Variants in TPGS2 observed in about 807,000 individuals in gnomAD.
The protein encoded by TPGS2 is polyglutamylase subunit 2.
TPGS2 carries 26 observed loss-of-function variants against 31.1 expected under a neutral mutation model. The observed-to-expected ratio is 0.84, with a 90% CI of 0.61 to 1.16. TPGS2 has a LOEUF of 1.16. TPGS2 is among the 50% of genes most tolerant of loss of function. The probability of loss-of-function intolerance (pLI) is 0.00; values close to 1 mark genes in which losing one functional copy is unlikely to be tolerated. For missense variants in TPGS2, 351 were observed against 363.8 expected, an observed-to-expected ratio of 0.96 and a Z score of 0.29; for synonymous variants, 130 against 136.6, an observed-to-expected ratio of 0.95 and a Z score of 0.34.
intron 3 of TPGS2, among the ~76,000 whole-genome samples, chr18:36,806,850 T>TGAAA (rs2045163705): frequency 2.7e-5 from 1 of 37,330 alleles, no homozygotes; most frequent in African/African-American, 1.5e-4. Flanking sequence ...GACTCCATCT[T>TGAAA]AAAAAAAAAA....
intron 3 of TPGS2, among the ~76,000 whole-genome samples, 163 bp from the exon 4 acceptor site, chr18:36,805,665 A>G (rs916847731): frequency 1.2e-4 from 18 of 152,188 alleles, no homozygotes; most frequent in Non-Finnish European, 1.0e-4. Flanking sequence ...TGCATATTCC[A>G]AAGTACCAAC....
intron 1 of TPGS2, among the ~76,000 whole-genome samples, chr18:36,822,063 G>C (rs527321031): frequency 1.3e-5 from 2 of 152,306 alleles, no homozygotes; most frequent in East Asian, 1.9e-4. Context: ...CAGAGGGCTG[G>C]AAGTTGTAGT....
rs1023395438 is a variant in TPGS2, at chr18:36,786,901, C to T, written c.658-3770G>A. ...TGATTGCGACACTGTTGTTCCCATGCTGTTGGATTGGCGCCTGCTGCACAC... is the reference window on the plus strand; with the variant it reads ...TGATTGCGACACTGTTGTTCCCATGTTGTTGGATTGGCGCCTGCTGCACAC... On this transcript the variant is annotated intron_variant, in intron 6 of 6. Coordinates refer to the TPGS2 transcript ENST00000587129. 3.2e-6 allele frequency: 4 copies of T among 1,234,272 alleles called. No homozygotes were observed. In the East Asian group the frequency reaches 9.5e-5, roughly 29 times the overall value. The allele number at this position is 1,234,272 out of a possible 1,614,324, so 76.5% of individuals were successfully genotyped here.
chr18:36,788,056 G>T (rs1007252170), intron 6 of TPGS2, among the ~76,000 whole-genome samples: 2 of 152,130 alleles, frequency 1.3e-5, no homozygotes, highest in Non-Finnish European at 2.9e-5. Context: ...AAACTATATG[G>T]ACTTGTGTTT....
At chr18:36,793,075 A>G (rs2044370175), downstream of TPGS2, among the ~76,000 whole-genome samples, 2 of 152,192 alleles carry the variant, frequency 1.3e-5, no homozygotes, top group East Asian at 3.9e-4. Flanking sequence ...TACCAGGGCC[A>G]GCTTCATGGG....
At chr18:36,802,870 C>A (rs2044898682) in intron 4 of TPGS2, among the ~76,000 whole-genome samples, 1 of 152,098 alleles carries the variant, frequency 6.6e-6, no homozygotes, top group African/African-American at 2.4e-5. Flanking sequence ...TCATGATTCG[C>A]CCCCCTCGGC....
chr18:36,792,366 A>G (rs1473282273), downstream of TPGS2, among the ~76,000 whole-genome samples: 1 of 152,228 alleles, frequency 6.6e-6, no homozygotes, highest in Non-Finnish European at 1.5e-5. Flanking sequence ...TGATGGATAC[A>G]TGGGGATTCA....
chr18:36,803,093 T>C (rs181536286), intron 4 of TPGS2, among the ~76,000 whole-genome samples: 27 of 152,304 alleles, frequency 1.8e-4, no homozygotes, highest in African/African-American at 6.5e-4. Flanking sequence ...TCAGGCTAAT[T>C]AGCATATCTA....
rs1292938845 is a variant in TPGS2, at chr18:36,800,243, T to A, written c.451A>T (p.Asn151Tyr). ...RSVIFELDSC[N>Y]GSGKVCLVYK... Reference sequence around the variant, plus strand: ...ACAAGGCAAACTTTCCCACTGCCATTGCATGAATCCAGCTCAAATATCACA... The same window carrying A: ...ACAAGGCAAACTTTCCCACTGCCATAGCATGAATCCAGCTCAAATATCACA... Residue 151 changes from asparagine (N) to tyrosine (Y), a missense_variant, in exon 5 of 7, where the codon AAT becomes TAT. By Grantham distance (143) the Asn-to-Tyr change is moderately radical. Transcript: ENST00000334295. 6.2e-6 allele frequency: 10 copies of A among 1,614,038 alleles called. No individual in the cohort carries two copies. Among genetic ancestry groups the A allele is most frequent in the Non-Finnish European group, 8.5e-6 (10 of 1,180,012 alleles).
chr18:36,798,748 T>C (rs1485708062), intron 5 of TPGS2, 139 bp from the exon 6 acceptor site: 2 of 1,350,166 alleles, frequency 1.5e-6, no homozygotes, highest in East Asian at 4.9e-5. Context: ...AAGTTCCCCT[T>C]CTGCCCCACT....
intron 4 of TPGS2, among the ~76,000 whole-genome samples, chr18:36,803,225 C>T (rs2044925942): frequency 6.6e-6 from 1 of 152,086 alleles, no homozygotes; most frequent in African/African-American, 2.4e-5. Flanking sequence ...GAACTTATTC[C>T]TCCTGTCTCA....
chr18:36,800,438 T>C, intron 4 of TPGS2, 127 bp from the exon 5 acceptor site: 1 of 743,568 alleles, frequency 1.3e-6, no homozygotes, highest in Non-Finnish European at 2.3e-6. Flanking sequence ...ACTTAAGTAG[T>C]ATTTACAAAT....
In TPGS2 at chr18:36,796,924, T is replaced by A; in HGVS notation, c.784A>T (p.Lys262Ter). 1 of 1,609,904 alleles carries A rather than the reference T, an allele frequency of 6.2e-7. No homozygotes were observed. The highest frequency in any genetic ancestry group is 8.5e-7 in the Non-Finnish European group (1 of 1,178,680). ...GCAGGCTGCACAGGCCCTTTCTTTT[T>A]TGGGATTACGATCTTGTTCTTGCTC... Reference protein sequence around the residue: ...FKSKNKIVIPKKKGPVQPAGG... With the variant: ...FKSKNKIVIP The change falls in exon 7 of 7, where the codon AAA becomes TAA. Residue 262 changes from lysine to a stop codon, truncating the protein, a stop_gained. Transcript: ENST00000334295. LOFTEE classifies it high-confidence loss of function.
chr18:36,824,113 A>G (rs1298040978), intron 1 of TPGS2, among the ~76,000 whole-genome samples: 2 of 152,200 alleles, frequency 1.3e-5, no homozygotes, highest in Non-Finnish European at 1.5e-5. Context: ...GACATTTCAT[A>G]TAAATGGAAT....
At chr18:36,804,717 C>A (rs151257414) in intron 4 of TPGS2, among the ~76,000 whole-genome samples, 15 of 152,326 alleles carry the variant, frequency 9.8e-5, no homozygotes, top group Admixed American at 2.6e-4. Context: ...AGCCATACTG[C>A]ACAACTAAAA....
chr18:36,822,021 C>T (rs887851674), intron 1 of TPGS2, among the ~76,000 whole-genome samples: 3 of 152,172 alleles, frequency 2.0e-5, no homozygotes, highest in Admixed American at 2.0e-4. Flanking sequence ...GAGACCAGGT[C>T]TTCTCGCATA....
Position 36,796,435 on chromosome 18 carries a change from G to C in TPGS2, c.*370C>G. On this transcript the variant is annotated 3_prime_UTR_variant, in exon 7 of 7. Transcript: ENST00000334295. ...TAGTCATATGTGACTAGTGGCTCCT[G>C]AATGAACAATGCAGTTCTAATGCTT... is the stretch of plus-strand genomic sequence containing the variant. 2.9e-6 allele frequency: 3 copies of C among 1,026,820 alleles called. No individual in the cohort carries two copies. The highest frequency in any genetic ancestry group is 3.5e-6 in the Non-Finnish European group (3 of 857,918). 63.6% of individuals were successfully genotyped at this position (1,026,820 alleles called of 1,614,324 possible).
intron 1 of TPGS2, chr18:36,823,850 G>A: frequency 2.9e-5 from 29 of 985,348 alleles, no homozygotes; most frequent in Non-Finnish European, 3.3e-5. Flanking sequence ...TCAAGGTGTG[G>A]TATCTCATCA....
At chr18:36,792,258 A>G (rs985597054), downstream of TPGS2, among the ~76,000 whole-genome samples, 1 of 152,214 alleles carries the variant, frequency 6.6e-6, no homozygotes, top group East Asian at 1.9e-4. Context: ...AAAAACCAAT[A>G]GATAAATTGA....
Sources: allele counts gnomAD v4.1 joint callset (sites outside exome capture counted in the v4.1 genomes callset), GRCh38; gene constraint gnomAD v4.1.1; transcripts MANE v1.5; gene names NCBI Gene and HGNC (gene_info 2026-07-23, HGNC 2026-07-21).